CACNA2D3: variants seen among roughly 807,000 people sequenced by gnomAD.
CACNA2D3 encodes calcium voltage-gated channel auxiliary subunit alpha2delta 3, also known as voltage-dependent calcium channel subunit alpha-2/delta-3.
CACNA2D3 carries 60 observed loss-of-function variants against 160.6 expected under a neutral mutation model. The ratio of observed to expected loss-of-function variants is 0.37; its 90% CI spans 0.30 to 0.46. The LOEUF is 0.46. CACNA2D3 is among the 20% of genes least tolerant of loss of function. The probability of loss-of-function intolerance (pLI) is 1.00; values close to 1 mark genes in which losing one functional copy is unlikely to be tolerated. For missense variants in CACNA2D3, 1,205 were observed against 1,365.0 expected (o/e 0.88, Z 1.85); for synonymous variants, 558 against 492.9 (o/e 1.13, Z -1.75).
chr3:54,391,478 C>T (rs1489791472), intron 4 of CACNA2D3, among the ~76,000 whole-genome samples: 2 of 151,592 alleles, frequency 1.3e-5, no homozygotes, highest in African/African-American at 4.8e-5. Flanking sequence ...GCTTGGCCTT[C>T]ATTGGCGGGG....
At chr3:54,488,854 A>C (rs997635817) in intron 4 of CACNA2D3, among the ~76,000 whole-genome samples, 1 of 152,132 alleles carries the variant, frequency 6.6e-6, no homozygotes, top group Non-Finnish European at 1.5e-5. Context: ...GATAAGTACT[A>C]TATGGGACAG....
At chr3:54,589,109 C>T (rs2106752520) in intron 9 of CACNA2D3, among the ~76,000 whole-genome samples, 1 of 151,850 alleles carries the variant, frequency 6.6e-6, no homozygotes, top group South Asian at 2.1e-4. Flanking sequence ...TCAATCTACC[C>T]AATGTTAAGG....
At chr3:54,418,767 T>A (rs1434867470) in intron 4 of CACNA2D3, among the ~76,000 whole-genome samples, 29 of 152,224 alleles carry the variant, frequency 1.9e-4, no homozygotes. Flanking sequence ...GGCCAGTTGA[T>A]CTACATGAAG....
At chr3:55,005,255 A>G (rs959428938) in intron 32 of CACNA2D3, among the ~76,000 whole-genome samples, 1 of 152,100 alleles carries the variant, frequency 6.6e-6, no homozygotes, top group African/African-American at 2.4e-5. Context: ...CAGCCTGGGC[A>G]ACAGAGCGAG....
chr3:54,817,144 G>C (rs1273971851), intron 14 of CACNA2D3, among the ~76,000 whole-genome samples: 1 of 152,178 alleles, frequency 6.6e-6, no homozygotes, highest in Non-Finnish European at 1.5e-5. Flanking sequence ...CAAATAATAG[G>C]TCAAGAATAA....
chr3:54,513,765 C>G (rs1701497724), intron 5 of CACNA2D3, among the ~76,000 whole-genome samples: 1 of 152,206 alleles, frequency 6.6e-6, no homozygotes. Context: ...ATTGCAACCT[C>G]TGCCTCCTGG....
intron 11 of CACNA2D3, among the ~76,000 whole-genome samples, chr3:54,689,167 G>C (rs1700524833): frequency 1.3e-5 from 2 of 151,996 alleles, no homozygotes; most frequent in African/African-American, 4.8e-5. Flanking sequence ...CTTAGCAGCA[G>C]CATTTAACAC....
chr3:54,708,881 A>C (rs17816566), intron 11 of CACNA2D3, among the ~76,000 whole-genome samples: 1 of 151,968 alleles, frequency 6.6e-6, no homozygotes, highest in African/African-American at 2.4e-5. Context: ...AACCCTATTG[A>C]TTGAAAAGAC....
chr3:54,813,713 A>T (rs530445196), intron 13 of CACNA2D3, among the ~76,000 whole-genome samples: 1 of 152,258 alleles, frequency 6.6e-6, no homozygotes, highest in Non-Finnish European at 1.5e-5. Flanking sequence ...CTCTGCCCTC[A>T]TGGAGTTTGT....
intron 4 of CACNA2D3, among the ~76,000 whole-genome samples, chr3:54,492,811 T>G (rs1337827202): frequency 6.6e-6 from 1 of 152,160 alleles, no homozygotes; most frequent in Non-Finnish European, 1.5e-5. Context: ...AAAACCTGTT[T>G]CCCTGTGAGT....
chr3:54,161,996 C>CTGGAGGGGCTCGGGTCAT (rs1175149927), intron 2 of CACNA2D3, among the ~76,000 whole-genome samples: 2 of 152,150 alleles, frequency 1.3e-5, no homozygotes, highest in Non-Finnish European at 2.9e-5. Flanking sequence ...CTGGTGAATC[C>CTGGAGGGGCTCGGGTCAT]TGGAGGGGCT....
chr3:55,049,277 C>T (rs1446866172), intron 35 of CACNA2D3, among the ~76,000 whole-genome samples: 40 of 147,838 alleles, frequency 2.7e-4, no homozygotes, highest in South Asian at 2.4e-3. Flanking sequence ...GCTTTGAATG[C>T]GTCCCAGAGA....
At chr3:54,244,191 TG>T (rs1293271428) in intron 2 of CACNA2D3, among the ~76,000 whole-genome samples, 2 of 152,150 alleles carry the variant, frequency 1.3e-5, no homozygotes, top group African/African-American at 2.4e-5. Context: ...CACTTTCTTT[TG>T]GTAGAAGTGG....
chr3:54,799,099 C>T (rs573117587), intron 13 of CACNA2D3, among the ~76,000 whole-genome samples: 1 of 152,278 alleles, frequency 6.6e-6, no homozygotes, highest in East Asian at 1.9e-4. Context: ...GCTGTCTGTT[C>T]TAATCCTATT....
At chr3:54,676,773 T>C (rs1297457026) in intron 11 of CACNA2D3, among the ~76,000 whole-genome samples, 1 of 152,122 alleles carries the variant, frequency 6.6e-6, no homozygotes, top group Non-Finnish European at 1.5e-5. Context: ...TAATTAAACC[T>C]AAAAATAAAG....
intron 11 of CACNA2D3, among the ~76,000 whole-genome samples, chr3:54,722,987 C>T (rs1333101364): frequency 6.6e-6 from 1 of 152,226 alleles, no homozygotes; most frequent in Non-Finnish European, 1.5e-5. Flanking sequence ...GCTGAAGCTG[C>T]ACCCATAGCC....
intron 11 of CACNA2D3, among the ~76,000 whole-genome samples, chr3:54,736,675 C>CT (rs1278261636): frequency 6.6e-6 from 1 of 152,114 alleles, no homozygotes; most frequent in Admixed American, 6.5e-5. Context: ...TGTTCTCTGT[C>CT]TTTTGTTTAT....
rs538829207 is a variant in CACNA2D3 at position 55,011,581 on chromosome 3, G to C, written c.2875+2138G>C. ...TTGATGAAATTAAAAAAATGCTCAT[G>C]AAATTATAACAAAACAAGACAAAAC... On this transcript the variant is annotated intron_variant, in intron 34 of 37. Transcript: ENST00000474759. Among the ~76,000 whole-genome samples the C allele has an allele frequency of 1.4e-3, 211 of 152,170 alleles. 1 individual carries two copies. Among genetic ancestry groups the C allele is most frequent in the Non-Finnish European group, 1.7e-3 (118 of 68,006 alleles).
intron 13 of CACNA2D3, among the ~76,000 whole-genome samples, chr3:54,807,841 G>A (rs1463751065): frequency 9.3e-5 from 14 of 150,856 alleles, no homozygotes; most frequent in African/African-American, 2.9e-4. Context: ...TTAAGAAAAT[G>A]TGGCACATAT....
Sources: gnomAD v4.1 joint callset for allele counts (sites outside exome capture counted in the v4.1 genomes callset) on GRCh38, gnomAD v4.1.1 for gene constraint, MANE v1.5 for transcripts, NCBI Gene and HGNC (gene_info 2026-07-23, HGNC 2026-07-21) for gene names.